The following SCAF4 variants were observed in gnomAD, a reference collection of about 807,000 sequenced individuals.
SCAF4 encodes SR-related and CTD-associated factor 4.
A neutral mutation model predicts 129.8 loss-of-function variants in SCAF4; 25 were observed. That is an observed-to-expected ratio of 0.19 (90% CI 0.14 to 0.27). The LOEUF is 0.27. SCAF4 is among the 10% of genes least tolerant of loss of function. SCAF4 has a pLI of 1.00. For missense variants in SCAF4, 1,246 were observed against 1,457.1 expected (o/e 0.86, Z 2.36); for synonymous variants, 551 against 497.7 (o/e 1.11, Z -1.43).
rs560510134 is a variant in SCAF4 at position 31,723,306 on chromosome 21, G to GC, written c.30+8356dup. 4.5e-4 allele frequency among the ~76,000 whole-genome samples: 69 copies of GC among 152,066 alleles called. 1 individual carries two copies. The East Asian group carries it at 0.012, about 26-fold the overall frequency. Reference sequence around the variant, plus strand: ...GTCCCTACTTAAAATACAAAAATTGGCCGGGCCCGGTGGCGTGCACCTGTA... The same window carrying GC: ...GTCCCTACTTAAAATACAAAAATTGGCCCGGGCCCGGTGGCGTGCACCTGTA... On this transcript the variant is annotated intron_variant, in intron 1 of 19. Transcript: ENST00000286835.
At chr21:31,731,569 A>G in intron 1 of SCAF4, 94 bp downstream of exon 1, 1 of 1,431,302 alleles carries the variant, frequency 7.0e-7, no homozygotes, top group Non-Finnish European at 9.6e-7. Flanking sequence ...AAGCGTCCCC[A>G]CCCGGACCAA....
intron 1 of SCAF4, among the ~76,000 whole-genome samples, chr21:31,707,412 C>T (rs1179558476): frequency 1.3e-5 from 2 of 152,174 alleles, no homozygotes; most frequent in African/African-American, 4.8e-5. Context: ...AGTAAATCTA[C>T]AGCCATCAGG....
At chr21:31,731,629 G>A (rs780830971) in intron 1 of SCAF4, 34 bp downstream of exon 1, 39 of 1,585,998 alleles carry the variant, frequency 2.5e-5, no homozygotes, top group Non-Finnish European at 3.2e-5. Flanking sequence ...TCCCGCAGCA[G>A]GCCCGGCACC....
intron 9 of SCAF4, 44 bp downstream of exon 9, chr21:31,696,069 T>C: frequency 7.1e-7 from 1 of 1,410,164 alleles, no homozygotes; most frequent in Non-Finnish European, 1.0e-6. Flanking sequence ...ATACGCTCTA[T>C]AATGAATAGA....
chr21:31,685,739 A>C lies in SCAF4; in HGVS notation c.2044-6T>G. The C allele has an allele frequency of 1.9e-6, 3 of 1,566,382 alleles. No individual in the cohort carries two copies. Among genetic ancestry groups the C allele is most frequent in the Non-Finnish European group, 2.6e-6 (3 of 1,161,028 alleles). On this transcript the variant is annotated splice_polypyrimidine_tract_variant and splice_region_variant and intron_variant, in intron 16 of 19. Coordinates refer to ENST00000286835, the MANE Select transcript of SCAF4 (RefSeq NM_020706.2). ...CCCGGTTGATGTGGTGGGACCTAGA[A>C]AGAAAGATAAAAGAATAAACCACCT...
chr21:31,729,672 A>G (rs925784693), intron 1 of SCAF4, among the ~76,000 whole-genome samples: 3 of 152,240 alleles, frequency 2.0e-5, no homozygotes, highest in African/African-American at 7.2e-5. Flanking sequence ...TAATTTCTCT[A>G]GAGGAGTTTT....
At chr21:31,696,815 T>C (rs1601220684) in intron 7 of SCAF4, 65 bp from the exon 8 acceptor site, 2 of 1,358,164 alleles carry the variant, frequency 1.5e-6, no homozygotes, top group Non-Finnish European at 1.0e-6. Context: ...AAAAACTTTA[T>C]GAAAACAAGG....
At chr21:31,700,171 TACACACACACTCAC>T (rs1242873279) in intron 7 of SCAF4, among the ~76,000 whole-genome samples, 2 of 138,538 alleles carry the variant, frequency 1.4e-5, no homozygotes, top group Non-Finnish European at 3.2e-5. Context: ...AAGGTTAAAA[TACACACACACTCAC>T]ACACACACAC....
chr21:31,672,815 G>T (rs142397358), intron 19 of SCAF4, among the ~76,000 whole-genome samples: 1 of 152,312 alleles, frequency 6.6e-6, no homozygotes, highest in Non-Finnish European at 1.5e-5. Flanking sequence ...TGAGGTCACT[G>T]ACCTAGAAAA....
chr21:31,704,990 A>AGAT (rs770108440), intron 3 of SCAF4, among the ~76,000 whole-genome samples: 1 of 152,250 alleles, frequency 6.6e-6, no homozygotes, highest in Non-Finnish European at 1.5e-5. Context: ...CTACTGAGAC[A>AGAT]GATGTGTGCC....
At chr21:31,686,796 T>C (rs1471623605) in intron 16 of SCAF4, among the ~76,000 whole-genome samples, 2 of 152,134 alleles carry the variant, frequency 1.3e-5, no homozygotes, top group Non-Finnish European at 2.9e-5. Flanking sequence ...GGGATCTAGC[T>C]TGTGCAGTTC....
intron 1 of SCAF4, among the ~76,000 whole-genome samples, chr21:31,722,057 A>G (rs1020103419): frequency 6.6e-6 from 1 of 152,184 alleles, no homozygotes; most frequent in Non-Finnish European, 1.5e-5. Context: ...GGGATAAAAT[A>G]TATCGCCCCC....
Position 31,732,081 on chromosome 21 carries a change from G to C in SCAF4, c.-389C>G. The C allele has an allele frequency of 2.4e-6, 1 of 410,958 alleles. No homozygotes were observed. The highest frequency in any genetic ancestry group is 4.3e-6 in the Non-Finnish European group (1 of 234,764). The allele number at this position is 410,958 out of a possible 1,614,324, so 25.5% of individuals were successfully genotyped here. A position where few individuals can be genotyped will look rare whatever the true frequency, so the allele number is the denominator to read the frequency against. On this transcript the variant is annotated 5_prime_UTR_variant, in exon 1 of 20. Coordinates refer to ENST00000286835, the MANE Select transcript of SCAF4 (RefSeq NM_020706.2). ...CTCTCTCCCTCTCTCCAGCGGGATGGCGGCAGCGGCCCGAGTCCACGCCGC... is the reference window on the plus strand; with the variant it reads ...CTCTCTCCCTCTCTCCAGCGGGATGCCGGCAGCGGCCCGAGTCCACGCCGC...
At chr21:31,686,534 AAT>A (rs2050130015) in intron 16 of SCAF4, among the ~76,000 whole-genome samples, 4 of 152,192 alleles carry the variant, frequency 2.6e-5, no homozygotes, top group Non-Finnish European at 5.9e-5. Context: ...ATGCAGATTA[AAT>A]GAGTTAATAC....
chr21:31,694,448 A>G (rs968172150), intron 10 of SCAF4, among the ~76,000 whole-genome samples, 159 bp from the exon 11 acceptor site: 5 of 151,132 alleles, frequency 3.3e-5, no homozygotes, highest in Admixed American at 6.6e-5. Context: ...CATCACTGGG[A>G]AAAAAAAACA....
At chr21:31,710,226 A>G (rs1011300269) in intron 1 of SCAF4, among the ~76,000 whole-genome samples, 1 of 152,132 alleles carries the variant, frequency 6.6e-6, no homozygotes, top group Non-Finnish European at 1.5e-5. Context: ...GATGGATTAG[A>G]AGGAGCCTGG....
chr21:31,690,250 C>A (rs1450837207), intron 15 of SCAF4, among the ~76,000 whole-genome samples: 1 of 151,994 alleles, frequency 6.6e-6, no homozygotes, highest in Non-Finnish European at 1.5e-5. Context: ...TATGGGAGGT[C>A]GAGGTGGGCG....
chr21:31,707,649 A>T (rs986186168), intron 1 of SCAF4, among the ~76,000 whole-genome samples: 3 of 152,240 alleles, frequency 2.0e-5, no homozygotes, highest in African/African-American at 7.2e-5. Flanking sequence ...ACTCATATGA[A>T]TCACATTTCC....
At position 31,671,366 on chromosome 21, in the gene SCAF4, G is replaced by A. The variant is rs193116810; in HGVS notation, c.*33C>T. Reference sequence around the variant, plus strand: ...CACCTCAAGCTCTACACTCCAGGAAGTGTCACTGTCACATTTTCACAAATT... The same window carrying A: ...CACCTCAAGCTCTACACTCCAGGAAATGTCACTGTCACATTTTCACAAATT... On this transcript the variant is annotated 3_prime_UTR_variant, in exon 20 of 20. Coordinates refer to ENST00000286835, the MANE Select transcript of SCAF4 (RefSeq NM_020706.2). 175 of 1,598,094 alleles carry A rather than the reference G, an allele frequency of 1.1e-4. No homozygotes were observed. The African/African-American group carries it at 2.2e-3, about 20-fold the overall frequency.
Sources: allele counts gnomAD v4.1 joint callset (sites outside exome capture counted in the v4.1 genomes callset), GRCh38; gene constraint gnomAD v4.1.1; transcripts MANE v1.5; gene names NCBI Gene and HGNC (gene_info 2026-07-23, HGNC 2026-07-21).